The following APMAP variants were observed in gnomAD, a reference collection of about 807,000 sequenced individuals.
APMAP encodes the protein adipocyte plasma membrane associated protein.
Under a neutral mutation model 43.6 loss-of-function variants are expected in APMAP, and 33 were observed. The observed-to-expected ratio is 0.76, with a 90% CI of 0.57 to 1.01. The LOEUF is 1.01. APMAP is among the 50% of genes least tolerant of loss of function. The pLI, the probability that APMAP is intolerant of heterozygous loss-of-function variation, is 0.00. For synonymous variants in APMAP, 224 were observed against 216.7 expected (o/e 1.03, Z -0.30); for missense variants, 498 against 540.7 (o/e 0.92, Z 0.78).
intron 2 of APMAP, among the ~76,000 whole-genome samples, chr20:24,980,668 C>T (rs1600287443): frequency 1.3e-5 from 2 of 151,016 alleles, no homozygotes; most frequent in Middle Eastern, 3.5e-3. Context: ...GACCTACCAG[C>T]TTCGCTCAGC....
At chr20:24,977,659 G>A (rs1340704335) in intron 3 of APMAP, among the ~76,000 whole-genome samples, 2 of 152,192 alleles carry the variant, frequency 1.3e-5, no homozygotes, top group East Asian at 3.8e-4. Context: ...AGTACAATGA[G>A]AAGTAACCCA....
chr20:24,985,223 G>A (rs1258388807), intron 1 of APMAP, among the ~76,000 whole-genome samples: 6 of 152,162 alleles, frequency 3.9e-5, no homozygotes, highest in Admixed American at 2.0e-4. Flanking sequence ...TCCTGAACAT[G>A]CATGATCCAG....
At chr20:24,970,393 A>G (rs745991691) in intron 5 of APMAP, 22 bp from the exon 6 acceptor site, 1 of 1,594,988 alleles carries the variant, frequency 6.3e-7, no homozygotes, top group African/African-American at 1.3e-5. Context: ...AAAGAAAGAA[A>G]AAGATTGACT....
rs1423924581 is a variant in APMAP, at chr20:24,982,988, A to G, written c.212+915T>C. Among the ~76,000 whole-genome samples, 4 of 152,280 alleles carry G rather than the reference A, an allele frequency of 2.6e-5. No homozygotes were observed. In the East Asian group the frequency reaches 7.7e-4, roughly 29 times the overall value. The stretch of plus-strand genomic sequence containing the variant: ...GACTAGAGTCCCCAGTCCTTCACCC[A>G]TTCTCAATCTTACATGAGCAAATTG... On this transcript the variant is annotated intron_variant, in intron 2 of 8. Coordinates refer to ENST00000217456, the MANE Select transcript of APMAP (RefSeq NM_020531.3).
At chr20:24,972,069 TGTTC>T (rs1162467006) in intron 4 of APMAP, among the ~76,000 whole-genome samples, 264 of 146,126 alleles carry the variant, frequency 1.8e-3, no homozygotes, top group African/African-American at 6.6e-3. Flanking sequence ...TATTGTAGGG[TGTTC>T]ACTGTGGGGT....
chr20:24,981,866 G>C (rs1441736222), intron 2 of APMAP, among the ~76,000 whole-genome samples: 1 of 152,176 alleles, frequency 6.6e-6, no homozygotes, highest in African/African-American at 2.4e-5. Flanking sequence ...CTTCTGGAGA[G>C]AAACCATGTC....
At chr20:24,979,915 T>C (rs1410364977) in intron 2 of APMAP, among the ~76,000 whole-genome samples, 4 of 152,098 alleles carry the variant, frequency 2.6e-5, no homozygotes, top group Admixed American at 1.3e-4. Flanking sequence ...TTGCTCCACT[T>C]GGAACAGCAA....
rs1431663890 is a variant in APMAP, at chr20:24,963,863, C to G, written c.1201G>C (p.Gly401Arg). The G allele has an allele frequency of 1.9e-6, 3 of 1,614,174 alleles. No homozygotes were observed. In the Admixed American group the frequency reaches 5.0e-5, roughly 27 times the overall value. ...VHEHDGHLYLGSFRSPFLCRL... is the reference protein window; with the variant it reads ...VHEHDGHLYLRSFRSPFLCRL... ...CAGAGGAAGGGGGACCTGAAAGAGCCCAGGTACAGGTGCCCATCGTGTTCG... is the reference window on the plus strand; with the variant it reads ...CAGAGGAAGGGGGACCTGAAAGAGCGCAGGTACAGGTGCCCATCGTGTTCG... Residue 401 changes from glycine (G) to arginine (R), a missense_variant, in exon 9 of 9, where the codon GGC becomes CGC. Physicochemically the swap from Gly to Arg is moderately radical, Grantham distance 125. Coordinates refer to ENST00000217456, the MANE Select transcript of APMAP (RefSeq NM_020531.3).
chr20:24,984,019 G>T lies in APMAP; in HGVS notation c.96C>A (p.Ser32Arg). Residue 32 changes from serine to arginine, a missense_variant and splice_region_variant, in exon 2 of 9, where the codon AGC becomes AGA. Ser to Arg is a moderately radical substitution (Grantham distance 110). Coordinates refer to ENST00000217456, the MANE Select transcript of APMAP (RefSeq NM_020531.3). ...CTCGGAAAACTCTGCCGCTAAAGGA[G>T]CTGCCAGAAATAAAAGATACAAAGG... Reference protein sequence around the residue: ...DGQAPEAKDGSSFSGRVFRVT... With the variant: ...DGQAPEAKDGRSFSGRVFRVT... 6.2e-7 allele frequency: 1 copy of T among 1,609,114 alleles called. No individual in the cohort carries two copies. Among genetic ancestry groups the T allele is most frequent in the Non-Finnish European group, 8.5e-7 (1 of 1,175,790 alleles).
intron 4 of APMAP, 122 bp downstream of exon 4, chr20:24,973,523 A>T: frequency 1.1e-6 from 1 of 883,514 alleles, no homozygotes; most frequent in Non-Finnish European, 1.7e-6. Context: ...TGTTCCATCT[A>T]CTAGATGGTC....
chr20:24,986,381 A>AGAGGCCAAGG (rs1410984574), intron 1 of APMAP, among the ~76,000 whole-genome samples: 1 of 152,208 alleles, frequency 6.6e-6, no homozygotes, highest in African/African-American at 2.4e-5. Context: ...CACACCAGGG[A>AGAGGCCAAGG]GAGGCCAAGG....
In APMAP at chr20:24,983,891, G is replaced by A. The variant is rs373213807; in HGVS notation, c.212+12C>T. On this transcript the variant is annotated intron_variant, in intron 2 of 8. Transcript: ENST00000217456. ...TCAAGCAACCCCTCCTGAGGACTGC[G>A]GGGCAGCCTACCTGAGAGGCTGTGG... The A allele has an allele frequency of 1.2e-5, 19 of 1,576,938 alleles. No homozygotes were observed. Among genetic ancestry groups the A allele is most frequent in the African/African-American group, 5.4e-5 (4 of 73,842 alleles).
At chr20:24,964,492 A>G (rs2087927161) in intron 8 of APMAP, 1 of 469,442 alleles carries the variant, frequency 2.1e-6, no homozygotes, top group Non-Finnish European at 4.4e-6. Flanking sequence ...ATTCAAAAAA[A>G]GCAAGCAGGT....
At chr20:24,969,457 A>G (rs915892195) in intron 7 of APMAP, 69 bp downstream of exon 7, 13 of 1,537,082 alleles carry the variant, frequency 8.5e-6, no homozygotes, top group African/African-American at 8.3e-5. Flanking sequence ...TCCCATTTCC[A>G]TGCCCACCCC....
chr20:24,982,694 C>T (rs2088114844), intron 2 of APMAP, among the ~76,000 whole-genome samples: 1 of 152,188 alleles, frequency 6.6e-6, no homozygotes, highest in South Asian at 2.1e-4. Flanking sequence ...CAGCTGTGGA[C>T]ACAGTTCACT....
rs1339980609 is a variant in APMAP at position 24,978,803 on chromosome 20, G to C, written c.292C>G (p.Gln98Glu). 3 of 1,608,760 alleles carry C rather than the reference G, an allele frequency of 1.9e-6. No homozygotes were observed. The highest frequency in any genetic ancestry group is 2.5e-6 in the Non-Finnish European group (3 of 1,178,148). The change falls in exon 3 of 9, where the codon CAA becomes GAA. Residue 98 changes from glutamine (Q) to glutamate (E), a missense_variant. Transcript: ENST00000217456. ...LRQAERLFEN[Q>E]LVGPESIAHI... ...GCTATGGACTCCGGTCCAACAAGTT[G>C]ATTTTCAAACAGCCTTTCTGCCTGT...
At chr20:24,989,490 G>C (rs1043706249) in intron 1 of APMAP, among the ~76,000 whole-genome samples, 8 of 152,088 alleles carry the variant, frequency 5.3e-5, no homozygotes, top group African/African-American at 1.9e-4. Context: ...CTTGGGTCCT[G>C]AACTGAAGTC....
Position 24,987,918 on chromosome 20 carries a change from T to C in APMAP, c.96-3899A>G, listed in dbSNP as rs566732046. ...GTCTTCCAACACAATAGAAATGAAGTACTTGTACAATAAAGCAGGGCTGGT... is the reference window on the plus strand; with the variant it reads ...GTCTTCCAACACAATAGAAATGAAGCACTTGTACAATAAAGCAGGGCTGGT... On this transcript the variant is annotated intron_variant, in intron 1 of 8. Transcript: ENST00000217456. Among the ~76,000 whole-genome samples the C allele has an allele frequency of 4.6e-5, 7 of 152,314 alleles. No homozygotes were observed. In the South Asian group the frequency reaches 8.3e-4, roughly 18 times the overall value.
intron 2 of APMAP, among the ~76,000 whole-genome samples, chr20:24,980,404 A>T (rs1049738469): frequency 1.3e-5 from 2 of 152,248 alleles, no homozygotes; most frequent in Non-Finnish European, 2.9e-5. Context: ...TGCTACGATG[A>T]CAAGCAGAGC....
Sources: allele counts gnomAD v4.1 joint callset (sites outside exome capture counted in the v4.1 genomes callset), GRCh38; gene constraint gnomAD v4.1.1; transcripts MANE v1.5; gene names NCBI Gene and HGNC (gene_info 2026-07-23, HGNC 2026-07-21).